The following MAGI1 variants were observed in gnomAD, a reference collection of about 807,000 sequenced individuals.
The protein encoded by MAGI1 is membrane-associated guanylate kinase, WW and PDZ domain-containing protein 1.
In MAGI1, 58 loss-of-function variants were observed where a neutral mutation model predicts 139.9. The ratio of observed to expected loss-of-function variants is 0.41; its 90% CI spans 0.34 to 0.52. The LOEUF (loss-of-function observed/expected upper bound fraction) is 0.52. Among genes scored for constraint, MAGI1 ranks in the 20% least tolerant of loss-of-function variants. The pLI is 0.12. For missense variants in MAGI1, 1,874 were observed against 1,901.6 expected (o/e 0.99, Z 0.27); for synonymous variants, 812 against 737.9 (o/e 1.10, Z -1.63).
chr3:65,570,085 T>C lies in MAGI1; in HGVS notation c.430+51887A>G, dbSNP rs1917525. 8.4e-3 allele frequency among the ~76,000 whole-genome samples: 1,046 copies of C among 123,980 alleles called. 8 individuals carry two copies. The highest frequency in any genetic ancestry group is 0.024 in the African/African-American group (759 of 31,296). The allele number at this position is 123,980 out of a possible 152,430, so 81.3% of individuals were successfully genotyped here. ...CTTTCTTTATTATCATTATTATTATTATTATTATTATTATTATTATTATTA... is the reference window on the plus strand; with the variant it reads ...CTTTCTTTATTATCATTATTATTATCATTATTATTATTATTATTATTATTA... On this transcript the variant is annotated intron_variant, in intron 2 of 22. Coordinates refer to ENST00000402939, the MANE Select transcript of MAGI1 (RefSeq NM_001033057.2).
chr3:66,018,115 G>GGGGGGT (rs1553748568), intron 1 of MAGI1, among the ~76,000 whole-genome samples: 1 of 129,280 alleles, frequency 7.7e-6, no homozygotes, highest in Non-Finnish European at 1.6e-5. Flanking sequence ...CACTTTGGTG[G>GGGGGGT]GGGGGGGGGG....
At chr3:66,018,349 A>G (rs926475966) in intron 1 of MAGI1, among the ~76,000 whole-genome samples, 4 of 152,184 alleles carry the variant, frequency 2.6e-5, no homozygotes, top group Admixed American at 2.6e-4. Flanking sequence ...AGTACCCCAG[A>G]GGTGACATCC....
At chr3:65,728,533 C>G (rs934151532) in intron 1 of MAGI1, among the ~76,000 whole-genome samples, 3 of 152,156 alleles carry the variant, frequency 2.0e-5, no homozygotes, top group Non-Finnish European at 2.9e-5. Flanking sequence ...CACCCCTAAA[C>G]ATGGTAAGTT....
At chr3:65,828,764 CG>C (rs1490143910) in intron 1 of MAGI1, among the ~76,000 whole-genome samples, 7 of 152,166 alleles carry the variant, frequency 4.6e-5, no homozygotes, top group Non-Finnish European at 1.5e-5. Flanking sequence ...ATTACCTAGT[CG>C]GGCGGATCTA....
chr3:65,735,864 C>CT (rs1291129249), intron 1 of MAGI1, among the ~76,000 whole-genome samples: 1 of 152,306 alleles, frequency 6.6e-6, no homozygotes, highest in African/African-American at 2.4e-5. Context: ...TTATCAAGCA[C>CT]TTTACAGGCA....
At chr3:66,036,777 T>G (rs2107617645) in intron 1 of MAGI1, among the ~76,000 whole-genome samples, 1 of 152,294 alleles carries the variant, frequency 6.6e-6, no homozygotes, top group East Asian at 1.9e-4. Flanking sequence ...TTCACCATGT[T>G]CAACTTCACG....
At chr3:65,567,175 A>T (rs1258498824) in intron 2 of MAGI1, among the ~76,000 whole-genome samples, 2 of 152,198 alleles carry the variant, frequency 1.3e-5, no homozygotes, top group African/African-American at 4.8e-5. Flanking sequence ...TGAGATAGCT[A>T]AATGTGGTTT....
intron 1 of MAGI1, among the ~76,000 whole-genome samples, chr3:65,917,504 A>C (rs1007409068): frequency 6.6e-6 from 1 of 152,220 alleles, no homozygotes; most frequent in Non-Finnish European, 1.5e-5. Flanking sequence ...CTGCACATGA[A>C]AGTTTATAAA....
chr3:65,704,972 C>T (rs4437178), intron 1 of MAGI1, among the ~76,000 whole-genome samples: 27,090 of 151,904 alleles, frequency 0.18, 2,848 homozygotes, highest in African/African-American at 0.3. Context: ...CTCAAATCCC[C>T]AACCAATTAA....
chr3:65,917,849 C>T (rs537311311), intron 1 of MAGI1, among the ~76,000 whole-genome samples: 6 of 152,260 alleles, frequency 3.9e-5, no homozygotes, highest in African/African-American at 1.4e-4. Context: ...TAATGGTGGA[C>T]ACGTGTCATT....
At chr3:65,650,387 C>T (rs574525079) in intron 1 of MAGI1, among the ~76,000 whole-genome samples, 16 of 152,268 alleles carry the variant, frequency 1.1e-4, no homozygotes, top group African/African-American at 2.9e-4. Flanking sequence ...CCTGTGCACA[C>T]GTGTTTTTAG....
chr3:65,890,351 C>T (rs537257263), intron 1 of MAGI1, among the ~76,000 whole-genome samples: 1 of 152,064 alleles, frequency 6.6e-6, no homozygotes, highest in African/African-American at 2.4e-5. Flanking sequence ...GGCGACAGAG[C>T]GAGACTCCGT....
At chr3:65,642,110 C>G (rs1464059624) in intron 1 of MAGI1, among the ~76,000 whole-genome samples, 1 of 152,034 alleles carries the variant, frequency 6.6e-6, no homozygotes, top group Non-Finnish European at 1.5e-5. Flanking sequence ...TTAGAAAGCA[C>G]TGGAAAAGAT....
At chr3:65,554,227 T>C (rs1047682520) in intron 2 of MAGI1, among the ~76,000 whole-genome samples, 1 of 152,218 alleles carries the variant, frequency 6.6e-6, no homozygotes, top group Non-Finnish European at 1.5e-5. Flanking sequence ...TTTGGCACTA[T>C]GTGATATAGA....
intron 18 of MAGI1, among the ~76,000 whole-genome samples, chr3:65,369,994 C>A (rs146188139): frequency 6.6e-6 from 1 of 152,206 alleles, no homozygotes; most frequent in Non-Finnish European, 1.5e-5. Context: ...ATGTCCAACA[C>A]GCTTTCACAG....
intron 1 of MAGI1, among the ~76,000 whole-genome samples, chr3:65,713,963 G>A (rs764105357): frequency 2.6e-5 from 4 of 152,124 alleles, no homozygotes; most frequent in Non-Finnish European, 5.9e-5. Context: ...TAAGAACCAC[G>A]AAGGGGACAT....
At chr3:65,423,747 C>T (rs1267038571) in intron 12 of MAGI1, among the ~76,000 whole-genome samples, 1 of 152,200 alleles carries the variant, frequency 6.6e-6, no homozygotes, top group Non-Finnish European at 1.5e-5. Flanking sequence ...TCAGCTTCCT[C>T]TTCTCCAAAA....
chr3:65,798,487 T>C (rs928791508), intron 1 of MAGI1, among the ~76,000 whole-genome samples: 21 of 152,308 alleles, frequency 1.4e-4, no homozygotes, highest in African/African-American at 4.1e-4. Context: ...AGCCGCCAAC[T>C]GTAGGCCTCG....
chr3:65,672,975 A>G (rs2086956836), intron 1 of MAGI1, among the ~76,000 whole-genome samples: 1 of 152,188 alleles, frequency 6.6e-6, no homozygotes, highest in African/African-American at 2.4e-5. Context: ...TAGTTTCTCA[A>G]TGTATGTGTT....
Sources: allele counts gnomAD v4.1 joint callset (sites outside exome capture counted in the v4.1 genomes callset), GRCh38; gene constraint gnomAD v4.1.1; transcripts MANE v1.5; gene names NCBI Gene and HGNC (gene_info 2026-07-23, HGNC 2026-07-21).